Variants in PPHLN1 observed in about 807,000 individuals in gnomAD.
The protein encoded by PPHLN1 is periphilin-1.
In PPHLN1, 29 loss-of-function variants were observed where a neutral mutation model predicts 51.3. The observed-to-expected ratio is 0.57, with a 90% confidence interval of 0.42 to 0.77. The LOEUF is 0.77. Ranked by LOEUF, PPHLN1 falls within the 30% of genes least tolerant of loss-of-function variation. The pLI is 0.00. For missense variants in PPHLN1, 436 were observed against 438.4 expected (o/e 0.99, Z 0.05); for synonymous variants, 147 against 147.8 (o/e 0.99, Z 0.04).
downstream of PPHLN1, chr12:42,442,699 C>T (rs778909777): frequency 1.7e-5 from 27 of 1,613,924 alleles, no homozygotes; most frequent in South Asian, 2.2e-4. Flanking sequence ...AAATGGATCA[C>T]GACGGAACCC....
chr12:42,392,204 A>G (rs748710884), intron 7 of PPHLN1, among the ~76,000 whole-genome samples: 38 of 152,290 alleles, frequency 2.5e-4, no homozygotes, highest in Middle Eastern at 3.4e-3. Context: ...TGACAGAGTG[A>G]GACTGCATTC....
intron 9 of PPHLN1, among the ~76,000 whole-genome samples, chr12:42,409,494 C>T (rs2079613047): frequency 1.3e-5 from 2 of 152,082 alleles, no homozygotes; most frequent in South Asian, 2.1e-4. Flanking sequence ...AAATATATAA[C>T]AGCAGTGTTA....
At chr12:42,441,293 C>G (rs2082933075) in intron 9 of PPHLN1, 22 bp from the exon 10 acceptor site, 12 of 1,580,980 alleles carry the variant, frequency 7.6e-6, no homozygotes, top group Non-Finnish European at 1.0e-5. Flanking sequence ...CTCAGCTAAC[C>G]AGAATGTGTT....
intron 9 of PPHLN1, among the ~76,000 whole-genome samples, chr12:42,425,135 C>A (rs1490795309): frequency 6.6e-6 from 1 of 151,900 alleles, no homozygotes; most frequent in Non-Finnish European, 1.5e-5. Flanking sequence ...GGCTGAAGTG[C>A]AGTGGCGCGA....
At chr12:42,375,278 C>A in intron 5 of PPHLN1, 1 of 347,494 alleles carries the variant, frequency 2.9e-6, no homozygotes, top group Non-Finnish European at 5.2e-6. Flanking sequence ...TGGCATTCTG[C>A]ATGACACTTA....
intron 2 of PPHLN1, among the ~76,000 whole-genome samples, chr12:42,350,633 T>G (rs1469467598): frequency 6.6e-6 from 1 of 152,068 alleles, no homozygotes; most frequent in Non-Finnish European, 1.5e-5. Context: ...GTGGAGGTTG[T>G]AGCGAGCGGA....
At chr12:42,402,214 T>A (rs984811362) in intron 9 of PPHLN1, among the ~76,000 whole-genome samples, 15 of 152,248 alleles carry the variant, frequency 9.9e-5, no homozygotes, top group Admixed American at 4.6e-4. Context: ...ATTTTGGTGT[T>A]CTTTTCTTTC....
chr12:42,432,657 G>C (rs180772091), intron 9 of PPHLN1, among the ~76,000 whole-genome samples: 2 of 152,262 alleles, frequency 1.3e-5, no homozygotes, highest in East Asian at 3.9e-4. Flanking sequence ...AAATGTTCCA[G>C]TGTCTTCATC....
chr12:42,381,766 A>T (rs1592583785), intron 5 of PPHLN1, among the ~76,000 whole-genome samples: 1 of 152,026 alleles, frequency 6.6e-6, no homozygotes, highest in Non-Finnish European at 1.5e-5. Context: ...CCAGTAAAAA[A>T]TTTTCTTATC....
chr12:42,335,996 A>T lies in PPHLN1; in HGVS notation c.72+22A>T, dbSNP rs765434948. ...CAGTGTAAGTTACTCCTACATATTG[A>T]ATGATTCAAAAACCTGGTGTCTGAA... On this transcript the variant is annotated intron_variant, in intron 2 of 9. Transcript: ENST00000358314. The T allele has an allele frequency of 2.1e-6, 3 of 1,458,270 alleles. No individual in the cohort carries two copies. The South Asian group carries it at 4.3e-5, about 21-fold the overall frequency. 90.3% of individuals were successfully genotyped at this position (1,458,270 alleles called of 1,614,324 possible). A position where few individuals can be genotyped will look rare whatever the true frequency, so the allele number is the denominator to read the frequency against.
At chr12:42,331,507 C>T (rs1443688153) in intron 1 of PPHLN1, among the ~76,000 whole-genome samples, 2 of 152,210 alleles carry the variant, frequency 1.3e-5, no homozygotes, top group Non-Finnish European at 2.9e-5. Flanking sequence ...TTGAAGTTAA[C>T]ATAACAGTGG....
intron 9 of PPHLN1, among the ~76,000 whole-genome samples, chr12:42,422,898 C>T (rs938875501): frequency 6.6e-6 from 1 of 152,138 alleles, no homozygotes; most frequent in South Asian, 2.1e-4. Context: ...TTCAAAAAGA[C>T]TTCTTGAAAA....
chr12:42,441,883 CT>C lies in PPHLN1; in HGVS notation c.*379del, dbSNP rs1346820694. 11 of 998,862 alleles carry C rather than the reference CT, an allele frequency of 1.1e-5. No individual in the cohort carries two copies. The highest frequency in any genetic ancestry group is 1.3e-5 in the Non-Finnish European group (11 of 838,902). The allele number at this position is 998,862 out of a possible 1,614,324, so 61.9% of individuals were successfully genotyped here. On this transcript the variant is annotated 3_prime_UTR_variant, in exon 10 of 10. Coordinates refer to ENST00000358314, the MANE Select transcript of PPHLN1 (RefSeq NM_201439.2). Reference sequence around the variant, plus strand: ...TGTGATTTTATTGACTTGTTGCTTGCTTTTTCTTAGGCTTTGTAACTTGTAA... The same window carrying C: ...TGTGATTTTATTGACTTGTTGCTTGCTTTTCTTAGGCTTTGTAACTTGTAA...
rs549409473 is a variant in PPHLN1, at chr12:42,421,937, A to T, written c.910-19378A>T. ...GGAAGATGGCACCTGTGAATAAGAAAGTTTAGAATAAAAATAGGCTAGAAG... is the reference window on the plus strand; with the variant it reads ...GGAAGATGGCACCTGTGAATAAGAATGTTTAGAATAAAAATAGGCTAGAAG... On this transcript the variant is annotated intron_variant, in intron 9 of 9. Coordinates refer to ENST00000358314, the MANE Select transcript of PPHLN1 (RefSeq NM_201439.2). Among the ~76,000 whole-genome samples the T allele has an allele frequency of 4.5e-3, 688 of 152,234 alleles. 1 individual carries two copies. The highest frequency in any genetic ancestry group is 0.016 in the African/African-American group (666 of 41,542).
At chr12:42,432,008 G>C in intron 9 of PPHLN1, 2 of 1,496,666 alleles carry the variant, frequency 1.3e-6, no homozygotes, top group Admixed American at 3.3e-5. Flanking sequence ...CAAGTACGCT[G>C]TATGGATTGC....
intron 2 of PPHLN1, among the ~76,000 whole-genome samples, chr12:42,340,162 G>A (rs1200174647): frequency 6.6e-6 from 1 of 151,888 alleles, no homozygotes; most frequent in Non-Finnish European, 1.5e-5. Context: ...TTAAAAATTA[G>A]CCATGCATAG....
chr12:42,384,264 A>C (rs1223410937), intron 5 of PPHLN1, among the ~76,000 whole-genome samples: 8 of 152,150 alleles, frequency 5.3e-5, no homozygotes, highest in Admixed American at 2.0e-4. Context: ...AAAAAAGTAA[A>C]ATTGGCAACT....
intron 9 of PPHLN1, among the ~76,000 whole-genome samples, chr12:42,414,458 T>G (rs1233434216): frequency 6.6e-6 from 1 of 152,246 alleles, no homozygotes; most frequent in Non-Finnish European, 1.5e-5. Context: ...AGCAGCTTCT[T>G]GTAATTCTCC....
chr12:42,432,656 A>G (rs2082137449), intron 9 of PPHLN1, among the ~76,000 whole-genome samples: 1 of 152,224 alleles, frequency 6.6e-6, no homozygotes, highest in African/African-American at 2.4e-5. Flanking sequence ...TAAATGTTCC[A>G]GTGTCTTCAT....
Sources: gnomAD v4.1 joint callset for allele counts (sites outside exome capture counted in the v4.1 genomes callset) on GRCh38, gnomAD v4.1.1 for gene constraint, MANE v1.5 for transcripts, NCBI Gene and HGNC (gene_info 2026-07-23, HGNC 2026-07-21) for gene names.